TXNDC8: variants seen among roughly 807,000 people sequenced by gnomAD.
TXNDC8 encodes thioredoxin domain-containing protein 8.
TXNDC8 carries 15 observed loss-of-function variants against 12.9 expected under a neutral mutation model. The observed-to-expected ratio is 1.16, with a 90% CI of 0.78 to 1.79. The LOEUF is 1.79. Among genes scored for constraint, TXNDC8 ranks in the 40% most tolerant of loss-of-function variants. The probability of loss-of-function intolerance (pLI) is 0.00; values close to 1 mark genes in which losing one functional copy is unlikely to be tolerated. For synonymous variants in TXNDC8, 40 were observed against 35.4 expected, an observed-to-expected ratio of 1.13 and a Z score of -0.46; for missense variants, 128 against 113.2, an observed-to-expected ratio of 1.13 and a Z score of -0.59.
chr9:110,329,214 A>G lies in TXNDC8; in HGVS notation c.130-2974T>C, dbSNP rs1839456166. 1.2e-6 allele frequency: 2 copies of G among 1,609,246 alleles called. No individual in the cohort carries two copies. The highest frequency in any genetic ancestry group is 1.7e-6 in the Non-Finnish European group (2 of 1,176,970). ...CTTTGGATTTTGAGTATGTGCACAG[A>G]AGATTTAAGATTCTTACCGGAGAAT... is the stretch of plus-strand genomic sequence containing the variant. On this transcript the variant is annotated intron_variant, in intron 2 of 4. Coordinates refer to ENST00000423740, the MANE Select transcript of TXNDC8 (RefSeq NM_001286946.2).
intron 1 of TXNDC8, 124 bp from the exon 2 acceptor site, chr9:110,334,444 A>G (rs910352287): frequency 1.4e-6 from 1 of 740,688 alleles, no homozygotes; most frequent in Admixed American, 2.3e-5. Context: ...GGTTATCACT[A>G]TGCTGCCCAG....
In TXNDC8 at chr9:110,334,295, G is replaced by A; in HGVS notation, c.50C>T (p.Ala17Val). 6.2e-7 allele frequency: 1 copy of A among 1,613,622 alleles called. No homozygotes were observed. Among genetic ancestry groups the A allele is most frequent in the Non-Finnish European group, 8.5e-7 (1 of 1,179,564 alleles). ...AACCACTGCGAGTTTGTGTCCGGCA[G>A]CTGTCAAAAATGTTTTAAATTCATT... The change falls in exon 2 of 5, where the codon GCT becomes GTT. Residue 17 changes from alanine to valine, a missense_variant. Ala to Val is a moderately conservative substitution (Grantham distance 64, BLOSUM62 0). Coordinates refer to ENST00000423740, the MANE Select transcript of TXNDC8 (RefSeq NM_001286946.2).
intron 3 of TXNDC8, chr9:110,324,081 ATGCTGGGTGCC>A: frequency 6.8e-7 from 1 of 1,465,974 alleles, no homozygotes; most frequent in African/African-American, 1.4e-5. Flanking sequence ...TAGAGAATGG[ATGCTGGGTGCC>A]AAAAAGAAGT....
downstream of TXNDC8, among the ~76,000 whole-genome samples, chr9:110,301,571 C>A (rs1319583075): frequency 6.6e-6 from 1 of 152,078 alleles, no homozygotes; most frequent in Non-Finnish European, 1.5e-5. Context: ...GTGATCCTGC[C>A]CCCTGGCTAG....
chr9:110,322,952 A>G (rs17807186), intron 3 of TXNDC8: 178,572 of 985,302 alleles, frequency 0.18, 17,109 homozygotes, highest in East Asian at 0.46. Flanking sequence ...AGAAAAATAC[A>G]TGAAGATCTG....
chr9:110,319,307 A>C lies in TXNDC8; in HGVS notation c.195+6868T>G, dbSNP rs144793744. The stretch of plus-strand genomic sequence containing the variant: ...AAATGGATGTTGTAGTTATTGAAAG[A>C]GCCTTAGAGGTCTTCATAAACTTTA... On this transcript the variant is annotated intron_variant, in intron 3 of 4. Coordinates refer to ENST00000423740, the MANE Select transcript of TXNDC8 (RefSeq NM_001286946.2). Among the ~76,000 whole-genome samples the C allele has an allele frequency of 1.9e-3, 296 of 152,330 alleles. 1 individual carries two copies. Among genetic ancestry groups the C allele is most frequent in the African/African-American group, 6.7e-3 (278 of 41,580 alleles).
At chr9:110,326,152 T>C (rs1839308676) in intron 3 of TXNDC8, 23 bp downstream of exon 4, 1 of 1,613,712 alleles carries the variant, frequency 6.2e-7, no homozygotes, top group Admixed American at 1.7e-5. Context: ...AATTCAACCC[T>C]GCTGGTTACC....
chr9:110,311,521 G>GTATATATATATATA (rs66474968), intron 3 of TXNDC8, among the ~76,000 whole-genome samples: 5 of 41,218 alleles, frequency 1.2e-4, no homozygotes, highest in Non-Finnish European at 2.5e-4. Context: ...AAATAAAGAG[G>GTATATATATATATA]TATATATATA....
At chr9:110,314,403 T>G (rs1838797550) in intron 3 of TXNDC8, among the ~76,000 whole-genome samples, 1 of 149,696 alleles carries the variant, frequency 6.7e-6, no homozygotes, top group South Asian at 2.1e-4. Flanking sequence ...TTAAACTTTC[T>G]TTTTTTTCTT....
At chr9:110,323,260 T>C (rs1418193277) in intron 3 of TXNDC8, 10 of 985,108 alleles carry the variant, frequency 1.0e-5, no homozygotes, top group Non-Finnish European at 1.2e-5. Flanking sequence ...GGGAAATGGA[T>C]TGAACCAAAA....
At chr9:110,315,010 A>G (rs1838831117) in intron 3 of TXNDC8, among the ~76,000 whole-genome samples, 1 of 152,174 alleles carries the variant, frequency 6.6e-6, no homozygotes, top group Non-Finnish European at 1.5e-5. Context: ...TCAGTTTTGA[A>G]GTCTTTTATT....
intron 3 of TXNDC8, among the ~76,000 whole-genome samples, chr9:110,318,173 C>T (rs150077947): frequency 8.5e-4 from 129 of 152,270 alleles, no homozygotes; most frequent in African/African-American, 2.6e-3. Context: ...ACATAGCTAC[C>T]GGAAGTTCAT....
At position 110,326,178 on chromosome 9, in the gene TXNDC8, C is replaced by T. The variant is rs536585323; in HGVS notation, c.192G>A (p.Gln64=). 1.4e-5 allele frequency: 22 copies of T among 1,613,978 alleles called. No homozygotes were observed. Among genetic ancestry groups the T allele is most frequent in the Non-Finnish European group, 1.8e-5 (21 of 1,179,966 alleles). The change falls in exon 3 of 5, where the codon CAG becomes CAA. Residue 64 remains glutamine, a synonymous_variant. Coordinates refer to ENST00000423740, the MANE Select transcript of TXNDC8 (RefSeq NM_001286946.2). ...GCTGGTTACCCTGGAAACATACCTT[C>T]TGGCTTTTCTTGAACATCTGAAATG...
chr9:110,305,545 T>TC, intron 3 of TXNDC8, among the ~76,000 whole-genome samples: 4 of 140,232 alleles, frequency 2.9e-5, no homozygotes, highest in Non-Finnish European at 6.2e-5. Flanking sequence ...ATGTATTTTC[T>TC]TTTTCTTTCT....
rs535858978 is a variant in TXNDC8 at position 110,327,384 on chromosome 9, G to A, written c.130-1144C>T. Among the ~76,000 whole-genome samples, 58 of 151,588 alleles carry A rather than the reference G, an allele frequency of 3.8e-4. No individual in the cohort carries two copies. The South Asian group carries it at 6.7e-3, about 17-fold the overall frequency. The stretch of plus-strand genomic sequence containing the variant: ...GTCGCCCTGGCTGGAGTGCAATGGT[G>A]CGATCTGGGCTCACTGCAACCTCTG... On this transcript the variant is annotated intron_variant, in intron 2 of 4. Transcript: ENST00000423740.
At chr9:110,308,710 C>T (rs750060244) in intron 3 of TXNDC8, among the ~76,000 whole-genome samples, 2 of 152,146 alleles carry the variant, frequency 1.3e-5, no homozygotes, top group East Asian at 1.9e-4. Context: ...CCTTCTACCA[C>T]GTACCTCCTT....
intron 3 of TXNDC8, among the ~76,000 whole-genome samples, chr9:110,318,587 A>G (rs994494999): frequency 6.6e-6 from 1 of 152,086 alleles, no homozygotes; most frequent in African/African-American, 2.4e-5. Flanking sequence ...AAATACAAAA[A>G]ATTAGCCAGG....
intron 1 of TXNDC8, among the ~76,000 whole-genome samples, chr9:110,336,658 C>A (rs1393879631): frequency 1.3e-5 from 2 of 152,028 alleles, no homozygotes; most frequent in Non-Finnish European, 2.9e-5. Flanking sequence ...AAAACAAAAA[C>A]TAGGCATTCT....
intron 3 of TXNDC8, among the ~76,000 whole-genome samples, chr9:110,311,759 T>C (rs1243675210): frequency 7.0e-6 from 1 of 143,238 alleles, no homozygotes; most frequent in Admixed American, 7.2e-5. Flanking sequence ...ATGGATATAC[T>C]ATGTACTATA....
Sources: gnomAD v4.1 joint callset for allele counts (sites outside exome capture counted in the v4.1 genomes callset) on GRCh38, gnomAD v4.1.1 for gene constraint, MANE v1.5 for transcripts, NCBI Gene and HGNC (gene_info 2026-07-23, HGNC 2026-07-21) for gene names.